ZNF18: variants seen among roughly 807,000 people sequenced by gnomAD.
ZNF18 encodes zinc finger protein 18.
Under a neutral mutation model 58.1 loss-of-function variants are expected in ZNF18, and 42 were observed. The ratio of observed to expected loss-of-function variants is 0.72; its 90% confidence interval spans 0.56 to 0.93. The LOEUF (loss-of-function observed/expected upper bound fraction) is 0.93, where lower values mean the gene tolerates loss of function less well. ZNF18 is among the 40% of genes least tolerant of loss of function. The pLI is 0.00. For missense variants in ZNF18, 540 were observed against 644.2 expected (o/e 0.84, Z 1.75); for synonymous variants, 231 against 239.8 (o/e 0.96, Z 0.34).
At chr17:11,982,796 T>G (rs1333438857) in intron 6 of ZNF18, among the ~76,000 whole-genome samples, 1 of 152,160 alleles carries the variant, frequency 6.6e-6, no homozygotes, top group Admixed American at 6.5e-5. Flanking sequence ...TAAGATTTCT[T>G]CTTCCCTAGT....
chr17:11,993,406 A>C (rs1397040587), intron 1 of ZNF18: 2 of 152,518 alleles, frequency 1.3e-5, no homozygotes, highest in African/African-American at 4.8e-5. Flanking sequence ...CCAAAAGTAT[A>C]CCAAAAAGGT....
chr17:12,021,073 C>A, the ZNF18 span: 1 of 882,704 alleles, frequency 1.1e-6, no homozygotes, highest in Non-Finnish European at 1.5e-6. Context: ...CCTGCCCCAG[C>A]GGACGCCCCC....
Position 11,997,466 on chromosome 17 carries a change from G to C in ZNF18, c.-118C>G, listed in dbSNP as rs1968549794. 6.6e-6 allele frequency: 1 copy of C among 152,284 alleles called. No individual in the cohort carries two copies. Among genetic ancestry groups the C allele is most frequent in the East Asian group, 1.9e-4 (1 of 5,196 alleles). 9.4% of individuals were successfully genotyped at this position (152,284 alleles called of 1,614,324 possible). A position where few individuals can be genotyped will look rare whatever the true frequency, so the allele number is the denominator to read the frequency against. ...GGCGCCGGCTCCGGGCGCACTTCCGGGAGCTGGGTGGCTGCGCGCGCCTCA... is the reference window on the plus strand; with the variant it reads ...GGCGCCGGCTCCGGGCGCACTTCCGCGAGCTGGGTGGCTGCGCGCGCCTCA... On this transcript the variant is annotated 5_prime_UTR_variant, in exon 1 of 7. Coordinates refer to ENST00000580306, the MANE Select transcript of ZNF18 (RefSeq NM_001303281.2).
the ZNF18 span, among the ~76,000 whole-genome samples, chr17:12,016,906 A>C: frequency 1.3e-5 from 2 of 152,106 alleles, no homozygotes; most frequent in Admixed American, 1.3e-4. Context: ...TAGTCAAAAT[A>C]GTAATATTGG....
chr17:12,003,971 G>A, the ZNF18 span, among the ~76,000 whole-genome samples: 14 of 152,212 alleles, frequency 9.2e-5, no homozygotes, highest in African/African-American at 2.4e-4. Context: ...AGTGACTCAC[G>A]CCTGTAATCC....
intron 1 of ZNF18, chr17:11,995,682 CAAAAAAAAAAA>C (rs1196560442): frequency 2.8e-5 from 2 of 70,610 alleles, no homozygotes; most frequent in Non-Finnish European, 2.9e-5. Flanking sequence ...GACTCCATCT[CAAAAAAAAAAA>C]AAAAAAGAGT....
At chr17:12,003,840 C>T in the ZNF18 span, among the ~76,000 whole-genome samples, 1 of 152,174 alleles carries the variant, frequency 6.6e-6, no homozygotes, top group African/African-American at 2.4e-5. Flanking sequence ...AACGGACTGG[C>T]CAGCTCCTTA....
the ZNF18 span, among the ~76,000 whole-genome samples, chr17:12,013,901 G>A: frequency 6.6e-6 from 1 of 152,242 alleles, no homozygotes; most frequent in South Asian, 2.1e-4. Flanking sequence ...TTGGAAAAGA[G>A]TAAGGCTTTC....
intron 4 of ZNF18, among the ~76,000 whole-genome samples, chr17:11,985,861 C>T (rs890099799): frequency 2.0e-4 from 30 of 152,108 alleles, no homozygotes; most frequent in African/African-American, 6.3e-4. Flanking sequence ...TTTCAGAAAC[C>T]GCAAAGTGGA....
At chr17:11,991,641 C>T (rs915555517) in intron 2 of ZNF18, among the ~76,000 whole-genome samples, 3 of 152,142 alleles carry the variant, frequency 2.0e-5, no homozygotes, top group Admixed American at 6.5e-5. Context: ...TCCTAAAACC[C>T]TGGTAATTTC....
intron 5 of ZNF18, 47 bp from the exon 6 acceptor site, chr17:11,983,454 T>C (rs374028480): frequency 6.8e-7 from 1 of 1,469,394 alleles, no homozygotes; most frequent in African/African-American, 1.4e-5. Context: ...TAGGGAAGAC[T>C]GGGAGCTCAA....
the ZNF18 span, among the ~76,000 whole-genome samples, chr17:12,003,057 T>C: frequency 5.3e-5 from 8 of 152,216 alleles, no homozygotes; most frequent in South Asian, 2.1e-4. Flanking sequence ...TTAAGGACTA[T>C]TGAGAGAACA....
chr17:12,019,510 T>C, the ZNF18 span, among the ~76,000 whole-genome samples: 1 of 152,066 alleles, frequency 6.6e-6, no homozygotes, highest in Non-Finnish European at 1.5e-5. Flanking sequence ...AATCTGGCCA[T>C]GTTTATAAGA....
the ZNF18 span, among the ~76,000 whole-genome samples, chr17:12,004,924 T>C: frequency 6.6e-6 from 1 of 150,960 alleles, no homozygotes; most frequent in African/African-American, 2.4e-5. Context: ...AATGTGCATT[T>C]ATATCTCTAT....
chr17:12,014,767 T>C, the ZNF18 span, among the ~76,000 whole-genome samples: 1 of 152,234 alleles, frequency 6.6e-6, no homozygotes, highest in South Asian at 2.1e-4. Context: ...AACCACTGAA[T>C]TGGCCGGGCG....
In ZNF18 at chr17:11,978,314, G is replaced by A. The variant is rs762225464; in HGVS notation, c.1293C>T (p.Thr431=). The A allele has an allele frequency of 9.4e-6, 15 of 1,597,864 alleles. No individual in the cohort carries two copies. Among genetic ancestry groups the A allele is most frequent in the African/African-American group, 4.1e-5 (3 of 73,774 alleles). ...TGGTGCACTGAAAGTATGTCTCTCC[G>A]GTGTGAGTTCTTTGGTGAAAAATAA... ...SQLIFHQRTH[T]GETYFQCTIC... The change falls in exon 7 of 7, where the codon ACC becomes ACT. Residue 431 remains threonine, a synonymous_variant. Coordinates refer to ENST00000580306, the MANE Select transcript of ZNF18 (RefSeq NM_001303281.2).
chr17:12,001,731 T>C (rs1051279554), upstream of ZNF18, among the ~76,000 whole-genome samples: 2 of 152,200 alleles, frequency 1.3e-5, no homozygotes, highest in Admixed American at 6.5e-5. Context: ...GGTGAGGTGA[T>C]GAATGTATTA....
In ZNF18 at chr17:11,978,464, T is replaced by G; in HGVS notation, c.1143A>C (p.Glu381Asp). The G allele has an allele frequency of 6.3e-7, 1 of 1,583,316 alleles. No homozygotes were observed. The highest frequency in any genetic ancestry group is 8.6e-7 in the Non-Finnish European group (1 of 1,165,744). The change falls in exon 7 of 7, where the codon GAA becomes GAC. Residue 381 changes from glutamate to aspartate, a missense_variant. Physicochemically the swap from Glu to Asp is conservative, Grantham distance 45. Coordinates refer to ENST00000580306, the MANE Select transcript of ZNF18 (RefSeq NM_001303281.2). ...GQHLPNPHSG[E>D]MSTMWLEEKR... Reference sequence around the variant, plus strand: ...TCTCCTCAAGCCACATGGTGGACATTTCTCCTGAATGAGGATTAGGCAAAT... The same window carrying G: ...TCTCCTCAAGCCACATGGTGGACATGTCTCCTGAATGAGGATTAGGCAAAT...
chr17:11,980,213 T>G (rs1967248350), intron 6 of ZNF18, among the ~76,000 whole-genome samples: 1 of 152,208 alleles, frequency 6.6e-6, no homozygotes. Context: ...ATTTTTAAAC[T>G]TATGCCATTT....
Sources: gnomAD v4.1 joint callset for allele counts (sites outside exome capture counted in the v4.1 genomes callset) on GRCh38, gnomAD v4.1.1 for gene constraint, MANE v1.5 for transcripts, NCBI Gene and HGNC (gene_info 2026-07-23, HGNC 2026-07-21) for gene names.